PLXNA4: variants seen among roughly 807,000 people sequenced by gnomAD.
PLXNA4 encodes plexin A4.
Under a neutral mutation model 191.8 loss-of-function variants are expected in PLXNA4, and 44 were observed. The observed-to-expected ratio is 0.23, with a 90% confidence interval of 0.18 to 0.29. The LOEUF is 0.29. Ranked by LOEUF, PLXNA4 falls within the 10% of genes least tolerant of loss-of-function variation. The pLI is 1.00. For missense variants in PLXNA4, 1,800 were observed against 2,488.8 expected (o/e 0.72, Z 5.89); for synonymous variants, 1,082 against 1,009.5 (o/e 1.07, Z -1.36).
At chr7:132,526,994 T>A (rs1055138563) in intron 1 of PLXNA4, among the ~76,000 whole-genome samples, 1 of 152,230 alleles carries the variant, frequency 6.6e-6, no homozygotes, top group South Asian at 2.1e-4. Context: ...TGACTTGTTA[T>A]AGTAACTGTC....
At chr7:132,606,670 C>A (rs1463051665) in intron 2 of PLXNA4, among the ~76,000 whole-genome samples, 1 of 152,178 alleles carries the variant, frequency 6.6e-6, no homozygotes, top group African/African-American at 2.4e-5. Flanking sequence ...ACTGAACCAC[C>A]AAACTCACAC....
intron 4 of PLXNA4, among the ~76,000 whole-genome samples, chr7:132,270,425 T>G (rs1800022196): frequency 6.6e-6 from 1 of 152,200 alleles, no homozygotes; most frequent in Non-Finnish European, 1.5e-5. Flanking sequence ...GATTCCAAAA[T>G]TACTTCGCAG....
intron 1 of PLXNA4, among the ~76,000 whole-genome samples, chr7:132,550,380 C>T (rs1265521117): frequency 1.3e-5 from 2 of 152,014 alleles, no homozygotes; most frequent in African/African-American, 4.8e-5. Flanking sequence ...CTTGATCCAT[C>T]AAAAAAAGTT....
chr7:132,130,618 C>G, intron 31 of PLXNA4, 44 bp from the exon 32 acceptor site: 2 of 1,613,308 alleles, frequency 1.2e-6, no homozygotes, highest in Non-Finnish European at 1.7e-6. Context: ...TTTGTGTGTA[C>G]AGGTCTGTGT....
intron 2 of PLXNA4, among the ~76,000 whole-genome samples, chr7:132,500,822 T>A (rs1257361873): frequency 6.6e-6 from 1 of 152,214 alleles, no homozygotes; most frequent in African/African-American, 2.4e-5. Flanking sequence ...GATACTTTTT[T>A]ATCATCTCCT....
intron 4 of PLXNA4, among the ~76,000 whole-genome samples, chr7:132,286,964 G>A (rs1354185402): frequency 3.9e-5 from 6 of 152,162 alleles, no homozygotes; most frequent in Admixed American, 3.9e-4. Flanking sequence ...TGGGTAGCTG[G>A]TGCCTGGAGC....
At chr7:132,356,413 T>C (rs1329015197) in intron 3 of PLXNA4, among the ~76,000 whole-genome samples, 1 of 152,240 alleles carries the variant, frequency 6.6e-6, no homozygotes, top group Non-Finnish European at 1.5e-5. Flanking sequence ...ATGAACTTCC[T>C]GCATTTGGTC....
At chr7:132,195,373 C>A (rs1022811480) in intron 13 of PLXNA4, among the ~76,000 whole-genome samples, 1 of 152,096 alleles carries the variant, frequency 6.6e-6, no homozygotes, top group Non-Finnish European at 1.5e-5. Context: ...TATTGATGAA[C>A]GTTTAGTTGT....
intron 2 of PLXNA4, among the ~76,000 whole-genome samples, chr7:132,495,425 A>C (rs574723884): frequency 2.4e-4 from 37 of 152,300 alleles, no homozygotes; most frequent in Admixed American, 2.0e-4. Context: ...GTTTACAAAC[A>C]TCCTAAGCTG....
At chr7:132,278,995 C>G (rs1204706611) in intron 4 of PLXNA4, among the ~76,000 whole-genome samples, 1 of 152,174 alleles carries the variant, frequency 6.6e-6, no homozygotes, top group Non-Finnish European at 1.5e-5. Flanking sequence ...CACATTGTGT[C>G]TCTTGCAAAC....
At chr7:132,335,298 C>T (rs2116716804) in intron 3 of PLXNA4, among the ~76,000 whole-genome samples, 1 of 152,266 alleles carries the variant, frequency 6.6e-6, no homozygotes, top group East Asian at 1.9e-4. Flanking sequence ...GGAGGGAGGA[C>T]ACTAAATAAA....
rs78519347 is a variant in PLXNA4 at position 132,469,620 on chromosome 7, C to T, written c.1371+19672G>A. 3.8e-3 allele frequency among the ~76,000 whole-genome samples: 579 copies of T among 152,328 alleles called. 2 individuals carry two copies. Among genetic ancestry groups the T allele is most frequent in the African/African-American group, 0.014 (562 of 41,568 alleles). ...ATGCTTTGCAAAGCCAAGCAGAGAACATGTCCTTCCAGTGAGAAAGTAGCC... is the reference window on the plus strand; with the variant it reads ...ATGCTTTGCAAAGCCAAGCAGAGAATATGTCCTTCCAGTGAGAAAGTAGCC... On this transcript the variant is annotated intron_variant, in intron 3 of 31. Transcript: ENST00000321063.
In PLXNA4 at chr7:132,253,959, G is replaced by A. The variant is rs369530337; in HGVS notation, c.1504-12793C>T. Among the ~76,000 whole-genome samples, 6 of 152,158 alleles carry A rather than the reference G, an allele frequency of 3.9e-5. No homozygotes were observed. In the South Asian group the frequency reaches 8.3e-4, roughly 21 times the overall value. On this transcript the variant is annotated intron_variant, in intron 4 of 31. Transcript: ENST00000321063. ...GTCATGGTGTGCTGGGACATCACTGGGCTGGGGGTCCTAGGACCTGGGCTG... is the reference window on the plus strand; with the variant it reads ...GTCATGGTGTGCTGGGACATCACTGAGCTGGGGGTCCTAGGACCTGGGCTG...
rs1797173309 is a variant in PLXNA4 at position 132,194,025 on chromosome 7, C to T, written c.2856+37G>A. The T allele has an allele frequency of 1.9e-6, 3 of 1,594,992 alleles. No homozygotes were observed. In the East Asian group the frequency reaches 6.7e-5, roughly 36 times the overall value. On this transcript the variant is annotated intron_variant, in intron 14 of 31. Coordinates refer to ENST00000321063, the MANE Select transcript of PLXNA4 (RefSeq NM_020911.2). ...GCAATCATGGTAATGAGCTCTGTGGCCTGCACCCAGCCAGATCACTGCTGG... is the reference window on the plus strand; with the variant it reads ...GCAATCATGGTAATGAGCTCTGTGGTCTGCACCCAGCCAGATCACTGCTGG...
chr7:132,636,474 G>C (rs182185436), intron 2 of PLXNA4, among the ~76,000 whole-genome samples: 2 of 152,200 alleles, frequency 1.3e-5, no homozygotes, highest in South Asian at 2.1e-4. Flanking sequence ...CATCAAGGAA[G>C]AGCCCCCCCA....
intron 3 of PLXNA4, among the ~76,000 whole-genome samples, chr7:132,328,199 ATAAT>A (rs1305199834): frequency 6.6e-6 from 1 of 152,158 alleles, no homozygotes; most frequent in Non-Finnish European, 1.5e-5. Context: ...TGACAGATCC[ATAAT>A]TAGAAGGAGA....
chr7:132,494,635 A>G (rs1797934680), intron 2 of PLXNA4, among the ~76,000 whole-genome samples: 1 of 152,192 alleles, frequency 6.6e-6, no homozygotes, highest in African/African-American at 2.4e-5. Context: ...ACTCCGAATT[A>G]CAATCTAATA....
In PLXNA4 at chr7:132,146,590, C is replaced by T. The variant is rs1795440991; in HGVS notation, c.4975G>A (p.Glu1659Lys). ...VKMWHLVKNH[E>K]HGDQKEGDRG... ...TCCCCCTCCTTCTGGTCTCCGTGCT[C>T]GTGGTTCTTCACTAGGTGCCACATC... Residue 1659 changes from glutamate (E) to lysine (K), a missense_variant, in exon 28 of 32, where the codon GAG (glutamate) becomes AAG (lysine). Glu to Lys is a moderately conservative substitution (Grantham distance 56). Transcript: ENST00000321063. The T allele has an allele frequency of 1.2e-6, 2 of 1,614,194 alleles. No homozygotes were observed. Among genetic ancestry groups the T allele is most frequent in the Non-Finnish European group, 1.7e-6 (2 of 1,180,032 alleles).
At position 132,327,494 on chromosome 7, in the gene PLXNA4, C is replaced by G. The variant is rs925377360; in HGVS notation, c.1372-29272G>C. Among the ~76,000 whole-genome samples, 30 of 152,240 alleles carry G rather than the reference C, an allele frequency of 2.0e-4. No individual in the cohort carries two copies. The East Asian group carries it at 5.8e-3, about 29-fold the overall frequency. ...CCTACCCACAAACCTTCTGAAGTGG[C>G]AGGTTCTTCCAGAATAAGATCCATA... is the stretch of plus-strand genomic sequence containing the variant. On this transcript the variant is annotated intron_variant, in intron 3 of 31. Coordinates refer to ENST00000321063, the MANE Select transcript of PLXNA4 (RefSeq NM_020911.2).
Sources: gnomAD v4.1 joint callset for allele counts (sites outside exome capture counted in the v4.1 genomes callset) on GRCh38, gnomAD v4.1.1 for gene constraint, MANE v1.5 for transcripts, NCBI Gene and HGNC (gene_info 2026-07-23, HGNC 2026-07-21) for gene names.